Variants in LYST observed in about 807,000 individuals in gnomAD.
LYST encodes lysosomal trafficking regulator.
A neutral mutation model predicts 413.6 loss-of-function variants in LYST; 192 were observed. That is an observed-to-expected ratio of 0.46 (90% CI 0.41 to 0.52). The LOEUF is 0.52. Among genes scored for constraint, LYST ranks in the 20% least tolerant of loss-of-function variants. The pLI is 0.00. For synonymous variants in LYST, 1,525 were observed against 1,567.3 expected, an observed-to-expected ratio of 0.97 and a Z score of 0.64; for missense variants, 3,815 against 4,499.9, an observed-to-expected ratio of 0.85 and a Z score of 4.35.
At chr1:235,804,437 T>A (rs1672585048) in intron 7 of LYST, 67 bp downstream of exon 7, 1 of 1,245,016 alleles carries the variant, frequency 8.0e-7, no homozygotes, top group Non-Finnish European at 1.2e-6. Flanking sequence ...AGCGTCCTAG[T>A]GTCATCCCAC....
intron 49 of LYST, 64 bp downstream of exon 49, chr1:235,677,416 T>C (rs1295850654): frequency 2.5e-5 from 39 of 1,536,882 alleles, no homozygotes; most frequent in Non-Finnish European, 3.5e-5. Context: ...GGTTTATCTA[T>C]TTCATATAGT....
At chr1:235,881,367 T>A (rs945769355) in intron 1 of LYST, among the ~76,000 whole-genome samples, 14 of 152,186 alleles carry the variant, frequency 9.2e-5, no homozygotes, top group Admixed American at 3.9e-4. Context: ...GAAGTTTGTA[T>A]ATAGCTACAT....
In LYST at chr1:235,803,082, T is replaced by G; in HGVS notation, c.3556-18A>C. On this transcript the variant is annotated intron_variant, in intron 7 of 52. Coordinates refer to ENST00000389793, the MANE Select transcript of LYST (RefSeq NM_000081.4). ...TGATGACTCTATAAATCAGTGTAATTCAAAGGTTGTAACATTTGCTTGTTT... is the reference window on the plus strand; with the variant it reads ...TGATGACTCTATAAATCAGTGTAATGCAAAGGTTGTAACATTTGCTTGTTT... 6.2e-7 allele frequency: 1 copy of G among 1,604,758 alleles called. No individual in the cohort carries two copies. The highest frequency in any genetic ancestry group is 8.5e-7 in the Non-Finnish European group (1 of 1,173,696).
At chr1:235,877,855 C>CAAAAAA (rs59783076) in intron 1 of LYST, among the ~76,000 whole-genome samples, 1 of 113,516 alleles carries the variant, frequency 8.8e-6, no homozygotes, top group African/African-American at 3.5e-5. Context: ...TATCTGCCAC[C>CAAAAAA]AAAAAAAAAA....
At chr1:235,863,999 C>G (rs545951492) in intron 1 of LYST, among the ~76,000 whole-genome samples, 1 of 152,190 alleles carries the variant, frequency 6.6e-6, no homozygotes, top group East Asian at 1.9e-4. Context: ...TCATCCTCCA[C>G]CATTCCCCAG....
intron 50 of LYST, among the ~76,000 whole-genome samples, chr1:235,673,220 C>CT (rs200080851): frequency 1.3e-5 from 2 of 151,676 alleles, no homozygotes; most frequent in African/African-American, 2.4e-5. Context: ...CAGTCTGTCT[C>CT]TTTTTTTTTC....
At chr1:235,687,076 C>A in intron 47 of LYST, 29 bp from the exon 48 acceptor site, 1 of 1,423,506 alleles carries the variant, frequency 7.0e-7, no homozygotes, top group Non-Finnish European at 9.9e-7. Flanking sequence ...CAAAGATTAT[C>A]ATGTTTTAAA....
intron 31 of LYST, chr1:235,738,086 T>C: frequency 6.2e-7 from 1 of 1,604,366 alleles, no homozygotes; most frequent in Admixed American, 1.7e-5. Flanking sequence ...TTGGGGTTGG[T>C]GCTCTTGGCA....
intron 10 of LYST, among the ~76,000 whole-genome samples, chr1:235,795,504 G>T: frequency 6.6e-6 from 1 of 152,078 alleles, no homozygotes; most frequent in East Asian, 1.9e-4. Context: ...GACACTATAC[G>T]CCAGCCAAGC....
At position 235,759,089 on chromosome 1, in the gene LYST, C is replaced by T; in HGVS notation, c.6764G>A (p.Gly2255Glu). Residue 2255 changes from glycine to glutamate, a missense_variant, in exon 23 of 53, where the codon GGA becomes GAA. Physicochemically the swap from Gly to Glu is moderately conservative, Grantham distance 98. Around this residue, in one of 4 missense-constraint regions of LYST, gnomAD observed 771 missense variants for 837.1 expected, o/e 0.92. Coordinates refer to ENST00000389793, the MANE Select transcript of LYST (RefSeq NM_000081.4). ...TGGCCAACGGCCAACAGCTGCAGAT[C>T]CGTTCTGTGAAGGAAAAGCTAGCCC... ...SLGLAFPSQNGSAAVGRWPSL... is the reference protein window; with the variant it reads ...SLGLAFPSQNESAAVGRWPSL... 6.2e-7 allele frequency: 1 copy of T among 1,614,198 alleles called. No individual in the cohort carries two copies. The highest frequency in any genetic ancestry group is 8.5e-7 in the Non-Finnish European group (1 of 1,180,026).
intron 6 of LYST, among the ~76,000 whole-genome samples, chr1:235,805,068 C>A (rs978277618): frequency 7.9e-5 from 12 of 152,168 alleles, no homozygotes; most frequent in African/African-American, 2.9e-4. Context: ...GTAGGAAGAG[C>A]CTGTTGGCTG....
intron 22 of LYST, among the ~76,000 whole-genome samples, chr1:235,761,480 T>C (rs1424396714): frequency 6.6e-6 from 1 of 152,182 alleles, no homozygotes; most frequent in African/African-American, 2.4e-5. Flanking sequence ...AAAAGTACTG[T>C]AGGCTTAAAG....
At chr1:235,738,931 C>T (rs1665077822) in intron 31 of LYST, 1 of 727,038 alleles carries the variant, frequency 1.4e-6, no homozygotes, top group African/African-American at 1.7e-5. Flanking sequence ...GAGGAAGGGG[C>T]CCATTTGAAG....
intron 1 of LYST, among the ~76,000 whole-genome samples, chr1:235,846,019 C>T (rs1368270737): frequency 6.6e-6 from 1 of 152,178 alleles, no homozygotes; most frequent in Non-Finnish European, 1.5e-5. Context: ...CACCTCCTGG[C>T]AGGAGGCCAA....
Position 235,662,573 on chromosome 1 carries a change from AC to A in LYST, c.*366del, listed in dbSNP as rs532372085. 8.2e-4 allele frequency: 255 copies of A among 310,604 alleles called. No individual in the cohort carries two copies. Among genetic ancestry groups the A allele is most frequent in the Non-Finnish European group, 5.5e-4 (88 of 160,500 alleles). The allele number at this position is 310,604 out of a possible 1,614,324, so 19.2% of individuals were successfully genotyped here. A position where few individuals can be genotyped will look rare whatever the true frequency, so the allele number is the denominator to read the frequency against. On this transcript the variant is annotated 3_prime_UTR_variant, in exon 53 of 53. Transcript: ENST00000389793. ...TTAGTGTGTTTTATATAAACAATCA[AC>A]CAACCAATTTAAATTCTACTGGTCC...
intron 47 of LYST, among the ~76,000 whole-genome samples, 196 bp from the exon 48 acceptor site, chr1:235,687,243 A>G (rs1355235959): frequency 2.0e-5 from 3 of 152,282 alleles, no homozygotes; most frequent in East Asian, 3.9e-4. Context: ...CTTTGAGCCA[A>G]ATGTCTAAAT....
chr1:235,777,718 T>C (rs192730393), intron 16 of LYST, among the ~76,000 whole-genome samples: 53 of 152,286 alleles, frequency 3.5e-4, no homozygotes, highest in Non-Finnish European at 5.9e-4. Flanking sequence ...CATTTGCTCA[T>C]TGGCTGACTC....
At chr1:235,867,498 A>G (rs1680691938), upstream of LYST, among the ~76,000 whole-genome samples, 1 of 151,456 alleles carries the variant, frequency 6.6e-6, no homozygotes, top group Admixed American at 6.6e-5. Context: ...GAGCTTTGCA[A>G]AGCCACTGCA....
chr1:235,746,182 T>C (rs1402757013), intron 29 of LYST, among the ~76,000 whole-genome samples, 154 bp downstream of exon 29: 5 of 152,150 alleles, frequency 3.3e-5, no homozygotes, highest in Admixed American at 3.3e-4. Flanking sequence ...TATTCAAGAC[T>C]TATCAGTTCC....
Sources: gnomAD v4.1 joint callset for allele counts (sites outside exome capture counted in the v4.1 genomes callset) on GRCh38, gnomAD v4.1.1 for gene constraint, gnomAD v4.1.1 regional missense constraint, MANE v1.5 for transcripts, NCBI Gene and HGNC (gene_info 2026-07-23, HGNC 2026-07-21) for gene names.